MZF1: variants seen among roughly 807,000 people sequenced by gnomAD.
The protein encoded by MZF1 is zinc finger and SCAN domain-containing protein 6.
In MZF1, 24 loss-of-function variants were observed where a neutral mutation model predicts 28.6. The ratio of observed to expected loss-of-function variants is 0.84; its 90% CI spans 0.61 to 1.18. MZF1 has a LOEUF of 1.18. MZF1 is among the 50% of genes most tolerant of loss of function. MZF1 has a pLI of 0.00. For missense variants in MZF1, 1,166 were observed against 1,026.4 expected, an observed-to-expected ratio of 1.14 and a Z score of -1.86; for synonymous variants, 516 against 432.5, an observed-to-expected ratio of 1.19 and a Z score of -2.40.
At chr19:58,569,442 A>C in intron 4 of MZF1, 45 bp from the exon 5 acceptor site, 1 of 1,613,962 alleles carries the variant, frequency 6.2e-7, no homozygotes, top group Non-Finnish European at 8.5e-7. Flanking sequence ...GGCTGGGCTC[A>C]GGGAGGGACC....
intron 3 of MZF1, 44 bp from the exon 4 acceptor site, chr19:58,569,630 C>A (rs1313312806): frequency 1.4e-6 from 2 of 1,476,268 alleles, no homozygotes; most frequent in African/African-American, 2.8e-5. Context: ...TGAGTTTCCA[C>A]CCCACTGCCC....
chr19:58,569,374 C>G lies in MZF1; in HGVS notation c.675G>C (p.Gln225His). 2 of 1,614,030 alleles carry G rather than the reference C, an allele frequency of 1.2e-6. No homozygotes were observed. Among genetic ancestry groups the G allele is most frequent in the South Asian group, 1.1e-5 (1 of 91,080 alleles). ...EAQRCGTVLD[Q>H]IFPHSKTGPE... The stretch of plus-strand genomic sequence containing the variant: ...GCCCAGTCTTGCTGTGGGGAAAGAT[C>G]TGGTCCAGCACGGTCCCACATCTCT... The change falls in exon 5 of 6, where the codon CAG becomes CAC. Residue 225 changes from glutamine (Q) to histidine (H), a missense_variant. Gln to His is a conservative substitution (Grantham distance 24, BLOSUM62 0). Transcript: ENST00000215057.
Position 58,564,900 on chromosome 19 carries a change from G to GTTTTTTTTTTTTTTTTTTTTTTTTTTTTT in MZF1, c.773-1397_773-1396insAAAAAAAAAAAAAAAAAAAAAAAAAAAAA. 2.9e-5 allele frequency among the ~76,000 whole-genome samples: 2 copies of GTTTTTTTTTTTTTTTTTTTTTTTTTTTTT among 69,354 alleles called. 1 individual carries two copies. The allele number at this position is 69,354 out of a possible 152,430, so 45.5% of individuals were successfully genotyped here. On this transcript the variant is annotated intron_variant, in intron 5 of 5. Transcript: ENST00000215057. ...GGGTGGAGAATAAGCATCCATGTGT[G>GTTTTTTTTTTTTTTTTTTTTTTTTTTTTT]TGTTTTTTTTTTTTTTTTTTTTTTT...
chr19:58,563,817 G>T, intron 5 of MZF1: 1 of 257,288 alleles, frequency 3.9e-6, no homozygotes, highest in Non-Finnish European at 7.4e-6. Context: ...GGAAAATGAT[G>T]GTCTCAGCAA....
chr19:58,570,897 G>A, intron 2 of MZF1, 97 bp downstream of exon 2: 1 of 1,365,068 alleles, frequency 7.3e-7, no homozygotes, highest in Non-Finnish European at 1.0e-6. Flanking sequence ...TGTACCACAA[G>A]GGAGAACGTG....
At position 58,562,181 on chromosome 19, in the gene MZF1, T is replaced by C. The variant is rs200374765; in HGVS notation, c.2096A>G (p.His699Arg). The C allele has an allele frequency of 8.1e-6, 13 of 1,604,572 alleles. No individual in the cohort carries two copies. The highest frequency in any genetic ancestry group is 3.4e-6 in the Non-Finnish European group (4 of 1,177,782). ...AFRQRPTLTQ[H>R]LRTHRREKPF... Reference sequence around the variant, plus strand: ...CTTCTCTCGTCGGTGGGTGCGCAGATGCTGCGTGAGCGTGGGCCGCTGGCG... The same window carrying C: ...CTTCTCTCGTCGGTGGGTGCGCAGACGCTGCGTGAGCGTGGGCCGCTGGCG... The change falls in exon 6 of 6, where the codon CAT (histidine) becomes CGT (arginine). Residue 699 changes from histidine to arginine, a missense_variant. Transcript: ENST00000215057.
At chr19:58,564,900 G>GTTTTTTTTTTTTTTTTTTTT (rs1253286923) in intron 5 of MZF1, among the ~76,000 whole-genome samples, 3 of 69,382 alleles carry the variant, frequency 4.3e-5, no homozygotes, top group East Asian at 6.4e-4. Flanking sequence ...ATCCATGTGT[G>GTTTTTTTTTTTTTTTTTTTT]TGTTTTTTTT....
intron 5 of MZF1, among the ~76,000 whole-genome samples, chr19:58,566,511 T>C (rs2054061154): frequency 6.6e-6 from 1 of 152,114 alleles, no homozygotes; most frequent in Non-Finnish European, 1.5e-5. Flanking sequence ...ATGTACAGAA[T>C]CTTTTTACAA....
chr19:58,570,453 T>G lies in MZF1; in HGVS notation c.471A>C (p.Glu157Asp), dbSNP rs200148787. 50 of 1,613,948 alleles carry G rather than the reference T, an allele frequency of 3.1e-5. No homozygotes were observed. The highest frequency in any genetic ancestry group is 4.2e-5 in the Non-Finnish European group (49 of 1,179,876). ...CAGGCTCTGGAGTTGGAGGCTCAGT[T>G]TCAGGTAGGGGCTGGAAACTGGAGG... ...MEPSSFQPLP[E>D]TEPPTPEPGP... is the part of the protein sequence containing the mutation. Residue 157 changes from glutamate (E) to aspartate (D), a missense_variant, in exon 3 of 6, where the codon GAA (glutamate) becomes GAC (aspartate). Coordinates refer to ENST00000215057, the MANE Select transcript of MZF1 (RefSeq NM_198055.2).
Position 58,562,737 on chromosome 19 carries a change from C to T in MZF1, c.1540G>A (p.Gly514Ser). The change falls in exon 6 of 6, where the codon GGC becomes AGC. Residue 514 changes from glycine to serine, a missense_variant. Physicochemically the swap from Gly to Ser is moderately conservative, Grantham distance 56. Transcript: ENST00000215057. ...QAVHTGDKSFGCVECGERFGR... is the reference protein window; with the variant it reads ...QAVHTGDKSFSCVECGERFGR... ...AAGCGCTCGCCGCACTCGACGCAGCCAAAGGACTTGTCGCCCGTGTGTACC... is the reference window on the plus strand; with the variant it reads ...AAGCGCTCGCCGCACTCGACGCAGCTAAAGGACTTGTCGCCCGTGTGTACC... The T allele has an allele frequency of 6.5e-7, 1 of 1,536,222 alleles. No individual in the cohort carries two copies. Among genetic ancestry groups the T allele is most frequent in the Admixed American group, 2.0e-5 (1 of 51,040 alleles).
At chr19:58,569,689 G>A in intron 3 of MZF1, 103 bp from the exon 4 acceptor site, 2 of 1,069,256 alleles carry the variant, frequency 1.9e-6, no homozygotes, top group East Asian at 2.5e-5. Flanking sequence ...GGGATTCTTG[G>A]TTGTGGGCTT....
At position 58,569,340 on chromosome 19, in the gene MZF1, G is replaced by A; in HGVS notation, c.709C>T (p.Pro237Ser). 1 of 1,613,860 alleles carries A rather than the reference G, an allele frequency of 6.2e-7. No homozygotes were observed. ...GCCCTGGGGTGCTCCCTCCATGAGG[G>A]ACCCTCAGGCCCAGTCTTGCTGTGG... ...FPHSKTGPEG[P>S]SWREHPRALW... The change falls in exon 5 of 6, where the codon CCC becomes TCC. Residue 237 changes from proline to serine, a missense_variant. By Grantham distance (74) the Pro-to-Ser change is moderately conservative. Transcript: ENST00000215057.
At position 58,563,037 on chromosome 19, in the gene MZF1, A is replaced by C; in HGVS notation, c.1240T>G (p.Cys414Gly). ...LTHTEERPFV[C>G]GDCGQGFVRS... is the part of the protein sequence containing the mutation. ...ACGAAGCCCTGGCCACAGTCGCCGC[A>C]CACGAACGGCCGCTCCTCGGTGTGC... Residue 414 changes from cysteine (C) to glycine (G), a missense_variant, in exon 6 of 6, where the codon TGC becomes GGC. Cys to Gly is a radical substitution (Grantham distance 159, BLOSUM62 -3). Coordinates refer to ENST00000215057, the MANE Select transcript of MZF1 (RefSeq NM_198055.2). 1 of 1,602,196 alleles carries C rather than the reference A, an allele frequency of 6.2e-7. No individual in the cohort carries two copies.
chr19:58,562,045 G>A lies in MZF1; in HGVS notation c.*27C>T. 1 of 1,541,272 alleles carries A rather than the reference G, an allele frequency of 6.5e-7. No individual in the cohort carries two copies. Among genetic ancestry groups the A allele is most frequent in the Non-Finnish European group, 8.7e-7 (1 of 1,143,602 alleles). ...CAGGGGAGGTAGGTGTTCTGACCAT[G>A]GCGGACACAGTGCGTCCCGGCTGGA... On this transcript the variant is annotated 3_prime_UTR_variant, in exon 6 of 6. Coordinates refer to ENST00000215057, the MANE Select transcript of MZF1 (RefSeq NM_198055.2).
Position 58,569,329 on chromosome 19 carries a change from C to T in MZF1, c.720G>A (p.Arg240=). The change falls in exon 5 of 6, where the codon AGG becomes AGA. Residue 240 remains arginine, a synonymous_variant. Transcript: ENST00000215057. ...CATGCCACAGGGCCCTGGGGTGCTCCCTCCATGAGGGACCCTCAGGCCCAG... is the reference window on the plus strand; with the variant it reads ...CATGCCACAGGGCCCTGGGGTGCTCTCTCCATGAGGGACCCTCAGGCCCAG... The part of the protein sequence containing the change: ...SKTGPEGPSW[R]EHPRALWHEE... The T allele has an allele frequency of 6.2e-7, 1 of 1,613,508 alleles. No homozygotes were observed. Among genetic ancestry groups the T allele is most frequent in the South Asian group, 1.1e-5 (1 of 91,054 alleles).
chr19:58,572,040 GTGCAACCTCATTCC>G (rs2054173768), intron 1 of MZF1: 1 of 158,516 alleles, frequency 6.3e-6, no homozygotes, highest in African/African-American at 2.4e-5. Flanking sequence ...TCTTCTACAT[GTGCAACCTCATTCC>G]TGCGCTACAG....
At chr19:58,564,900 G>GTTTTTTTTTTTTTTTT (rs1253286923) in intron 5 of MZF1, among the ~76,000 whole-genome samples, 6 of 69,382 alleles carry the variant, frequency 8.6e-5, no homozygotes, top group African/African-American at 4.3e-4. Flanking sequence ...ATCCATGTGT[G>GTTTTTTTTTTTTTTTT]TGTTTTTTTT....
At position 58,563,226 on chromosome 19, in the gene MZF1, C is replaced by T. The variant is rs977142237; in HGVS notation, c.1051G>A (p.Gly351Arg). ...TCGCAACGGCCGCCCCTAACCACCC[C>T]GCCCCCAGTGCTGGGGCGGCCCCGG... The part of the protein sequence containing the change: ...RSRGRPSTGG[G>R]VVRGGRCDVC... Residue 351 changes from glycine (G) to arginine (R), a missense_variant, in exon 6 of 6, where the codon GGG becomes AGG. By Grantham distance (125) the Gly-to-Arg change is moderately radical. Transcript: ENST00000215057. 16 of 1,610,428 alleles carry T rather than the reference C, an allele frequency of 9.9e-6. No individual in the cohort carries two copies. The highest frequency in any genetic ancestry group is 1.0e-5 in the Non-Finnish European group (12 of 1,178,930).
In MZF1 at chr19:58,571,303, C is replaced by A. The variant is rs775271307; in HGVS notation, c.87G>T (p.Glu29Asp). The change falls in exon 2 of 6, where the codon GAG becomes GAT. Residue 29 changes from glutamate to aspartate, a missense_variant. Transcript: ENST00000215057. ...PVMVKLEDSE[E>D]EGEAALWDPG... is the part of the protein sequence containing the mutation. ...GGTCCCATAAGGCAGCCTCACCCTC[C>A]TCCTCAGAGTCCTCTAGCTTCACCA... 6.8e-6 allele frequency: 11 copies of A among 1,614,048 alleles called. No homozygotes were observed. Among genetic ancestry groups the A allele is most frequent in the Non-Finnish European group, 9.3e-6 (11 of 1,180,022 alleles).
Sources: gnomAD v4.1 joint callset for allele counts (sites outside exome capture counted in the v4.1 genomes callset) on GRCh38, gnomAD v4.1.1 for gene constraint, MANE v1.5 for transcripts, NCBI Gene and HGNC (gene_info 2026-07-23, HGNC 2026-07-21) for gene names.